PTPRG: variants seen among roughly 807,000 people sequenced by gnomAD.
PTPRG encodes the protein protein tyrosine phosphatase receptor type G.
A neutral mutation model predicts 165.3 loss-of-function variants in PTPRG; 102 were observed. That is an observed-to-expected ratio of 0.62 (90% CI 0.53 to 0.73). The LOEUF (loss-of-function observed/expected upper bound fraction) is 0.73, where lower values mean the gene tolerates loss of function less well. Among genes scored for constraint, PTPRG ranks in the 30% least tolerant of loss-of-function variants. The pLI, the probability that PTPRG is intolerant of heterozygous loss-of-function variation, is 0.00. For synonymous variants in PTPRG, 675 were observed against 669.5 expected, an observed-to-expected ratio of 1.01 and a Z score of -0.13; for missense variants, 1,866 against 1,861.4, an observed-to-expected ratio of 1.00 and a Z score of -0.05.
chr3:62,216,641 C>T (rs1349283241), intron 12 of PTPRG, among the ~76,000 whole-genome samples: 1 of 152,036 alleles, frequency 6.6e-6, no homozygotes, highest in African/African-American at 2.4e-5. Flanking sequence ...TCTGGCCAGC[C>T]ACCAGAGCTC....
rs58304278 is a variant in PTPRG, at chr3:61,947,146, G to A, written c.191-42479G>A. 5.0e-3 allele frequency among the ~76,000 whole-genome samples: 755 copies of A among 152,266 alleles called. 8 individuals are homozygous for A. The highest frequency in any genetic ancestry group is 0.017 in the African/African-American group (720 of 41,542). On this transcript the variant is annotated intron_variant, in intron 2 of 29. Coordinates refer to ENST00000474889, the MANE Select transcript of PTPRG (RefSeq NM_002841.4). ...ATGATAATTAGTCCAGCTTAATCAC[G>A]TGGGCATTTGAGCTTTTGATCCCAT...
chr3:61,887,170 A>ATATTTTTTTTTTTTT (rs60282456), intron 2 of PTPRG, among the ~76,000 whole-genome samples: 2 of 115,534 alleles, frequency 1.7e-5, no homozygotes, highest in African/African-American at 6.5e-5. Context: ...ATATATATAT[A>ATATTTTTTTTTTTTT]TTTTTAATGC....
At chr3:62,189,542 C>T (rs1699754476) in intron 8 of PTPRG, among the ~76,000 whole-genome samples, 1 of 152,184 alleles carries the variant, frequency 6.6e-6, no homozygotes, top group Admixed American at 6.5e-5. Context: ...TTCCTGCACC[C>T]AAACCAGAAG....
At chr3:61,954,419 G>A (rs1036289666) in intron 2 of PTPRG, among the ~76,000 whole-genome samples, 1 of 152,104 alleles carries the variant, frequency 6.6e-6, no homozygotes, top group African/African-American at 2.4e-5. Flanking sequence ...TGAAACACAG[G>A]ATCTCAGACT....
At chr3:61,793,066 A>C (rs1454113377) in intron 2 of PTPRG, among the ~76,000 whole-genome samples, 1 of 152,180 alleles carries the variant, frequency 6.6e-6, no homozygotes, top group Non-Finnish European at 1.5e-5. Context: ...TAGGAAATAT[A>C]AACAAGTGGA....
intron 11 of PTPRG, among the ~76,000 whole-genome samples, chr3:62,201,950 C>A (rs1373107908): frequency 6.6e-6 from 1 of 152,130 alleles, no homozygotes; most frequent in Non-Finnish European, 1.5e-5. Context: ...ATCTTAGTTT[C>A]CCCATTCCTG....
At chr3:62,269,921 T>C (rs1453127348) in intron 20 of PTPRG, among the ~76,000 whole-genome samples, 2 of 152,080 alleles carry the variant, frequency 1.3e-5, no homozygotes, top group Non-Finnish European at 2.9e-5. Flanking sequence ...TACATACATA[T>C]CTATGATAAA....
chr3:61,751,705 C>G (rs949730750), intron 2 of PTPRG, among the ~76,000 whole-genome samples: 1 of 152,142 alleles, frequency 6.6e-6, no homozygotes, highest in Admixed American at 6.5e-5. Context: ...AAAACATTAA[C>G]ATAGGCCGGG....
intron 2 of PTPRG, among the ~76,000 whole-genome samples, chr3:61,807,695 T>C (rs1372546808): frequency 1.3e-5 from 2 of 152,212 alleles, no homozygotes; most frequent in African/African-American, 2.4e-5. Flanking sequence ...GAATCATAAA[T>C]GTGTTCATGT....
intron 2 of PTPRG, among the ~76,000 whole-genome samples, chr3:61,812,130 G>T (rs1339908372): frequency 6.6e-6 from 1 of 152,136 alleles, no homozygotes; most frequent in Non-Finnish European, 1.5e-5. Flanking sequence ...AGAGATGCTT[G>T]TACCCCAATA....
At chr3:61,638,745 G>A (rs777515128) in intron 1 of PTPRG, among the ~76,000 whole-genome samples, 1 of 151,642 alleles carries the variant, frequency 6.6e-6, no homozygotes, top group Non-Finnish European at 1.5e-5. Flanking sequence ...GCCTTGCCAT[G>A]CCTACTTTTT....
At chr3:61,753,003 A>G (rs532662402) in intron 2 of PTPRG, among the ~76,000 whole-genome samples, 5 of 152,250 alleles carry the variant, frequency 3.3e-5, no homozygotes, top group Admixed American at 3.3e-4. Flanking sequence ...GGCCTATCAA[A>G]CAATGCCTTT....
At chr3:61,880,143 T>C (rs936276683) in intron 2 of PTPRG, among the ~76,000 whole-genome samples, 4 of 152,222 alleles carry the variant, frequency 2.6e-5, no homozygotes, top group African/African-American at 9.6e-5. Flanking sequence ...TTATCACATA[T>C]TTATTGAGTG....
At chr3:62,208,668 C>A (rs1310999326) in intron 12 of PTPRG, among the ~76,000 whole-genome samples, 2 of 152,166 alleles carry the variant, frequency 1.3e-5, no homozygotes, top group African/African-American at 4.8e-5. Context: ...GGCTGCTATT[C>A]TGCTTTGAGA....
intron 1 of PTPRG, among the ~76,000 whole-genome samples, chr3:61,587,524 GTCA>G (rs1700459853): frequency 6.6e-6 from 1 of 151,990 alleles, no homozygotes; most frequent in Non-Finnish European, 1.5e-5. Flanking sequence ...GTATAATACA[GTCA>G]TCAACATCAG....
intron 1 of PTPRG, among the ~76,000 whole-genome samples, chr3:61,671,126 T>C (rs1702968740): frequency 6.9e-6 from 1 of 144,602 alleles, no homozygotes; most frequent in Non-Finnish European, 1.5e-5. Flanking sequence ...CTCCTGATAC[T>C]GTATGAACTT....
intron 1 of PTPRG, among the ~76,000 whole-genome samples, chr3:61,607,512 T>C (rs1238261140): frequency 6.6e-6 from 1 of 152,226 alleles, no homozygotes; most frequent in Non-Finnish European, 1.5e-5. Context: ...CATAGGAGTT[T>C]TCTTTCCCAC....
At chr3:61,765,682 G>C (rs2033995157) in intron 2 of PTPRG, among the ~76,000 whole-genome samples, 2 of 152,162 alleles carry the variant, frequency 1.3e-5, no homozygotes, top group Non-Finnish European at 2.9e-5. Flanking sequence ...CCGTGATCCA[G>C]CTTTTTGTCA....
intron 2 of PTPRG, among the ~76,000 whole-genome samples, chr3:61,806,232 T>C (rs1464748374): frequency 1.3e-5 from 2 of 152,174 alleles, no homozygotes; most frequent in African/African-American, 4.8e-5. Flanking sequence ...AATCCAATTA[T>C]AGCAAGCCTG....
Sources: gnomAD v4.1 joint callset for allele counts (sites outside exome capture counted in the v4.1 genomes callset) on GRCh38, gnomAD v4.1.1 for gene constraint, MANE v1.5 for transcripts, NCBI Gene and HGNC (gene_info 2026-07-23, HGNC 2026-07-21) for gene names.